The following DRAM2 variants were observed in gnomAD, a reference collection of about 807,000 sequenced individuals.
DRAM2 encodes the protein DNA damage regulated autophagy modulator 2.
DRAM2 carries 26 observed loss-of-function variants against 33.5 expected under a neutral mutation model. The ratio of observed to expected loss-of-function variants is 0.78; its 90% CI spans 0.57 to 1.08. DRAM2 has a LOEUF of 1.08. Among genes scored for constraint, DRAM2 ranks in the 50% least tolerant of loss-of-function variants. The pLI is 0.00. For missense variants in DRAM2, 311 were observed against 318.1 expected, an observed-to-expected ratio of 0.98 and a Z score of 0.17; for synonymous variants, 98 against 109.5, an observed-to-expected ratio of 0.89 and a Z score of 0.66.
chr1:111,123,894 T>G (rs775859228), intron 6 of DRAM2, among the ~76,000 whole-genome samples: 49 of 152,216 alleles, frequency 3.2e-4, no homozygotes, highest in Non-Finnish European at 5.7e-4. Context: ...GTAAGCTTCT[T>G]GAAGTCCTCA....
intron 4 of DRAM2, among the ~76,000 whole-genome samples, chr1:111,128,795 C>A (rs777757054): frequency 1.5e-4 from 23 of 152,028 alleles, no homozygotes; most frequent in Non-Finnish European, 2.8e-4. Flanking sequence ...GAAGTGGAAC[C>A]CATGAATATA....
At chr1:111,138,177 T>A (rs1369246398) in intron 2 of DRAM2, among the ~76,000 whole-genome samples, 1 of 152,236 alleles carries the variant, frequency 6.6e-6, no homozygotes, top group East Asian at 1.9e-4. Context: ...TATGATTTTT[T>A]TCTATGTACG....
At chr1:111,134,043 T>C (rs1250551598) in intron 3 of DRAM2, among the ~76,000 whole-genome samples, 1 of 152,166 alleles carries the variant, frequency 6.6e-6, no homozygotes, top group Non-Finnish European at 1.5e-5. Flanking sequence ...TATTTCCAGC[T>C]CCTACATTGG....
At chr1:111,119,676 C>A (rs1437391532) in intron 8 of DRAM2, 1 of 536,946 alleles carries the variant, frequency 1.9e-6, no homozygotes, top group Non-Finnish European at 3.3e-6. Context: ...CATATTTTGA[C>A]AATATCTACA....
chr1:111,126,375 G>C, intron 4 of DRAM2, 81 bp from the exon 5 acceptor site: 1 of 793,256 alleles, frequency 1.3e-6, no homozygotes, highest in Non-Finnish European at 2.2e-6. Context: ...AGAATATCAG[G>C]AGTTAATTCA....
intron 5 of DRAM2, among the ~76,000 whole-genome samples, chr1:111,125,881 G>C (rs929431685): frequency 6.6e-6 from 1 of 152,086 alleles, no homozygotes; most frequent in African/African-American, 2.4e-5. Flanking sequence ...AAGGAATTTA[G>C]TTAGGATTAG....
intron 4 of DRAM2, among the ~76,000 whole-genome samples, chr1:111,131,062 T>G (rs1320807156): frequency 6.6e-6 from 1 of 152,100 alleles, no homozygotes; most frequent in Non-Finnish European, 1.5e-5. Flanking sequence ...TTAAGACATG[T>G]TTGTCATTTC....
At position 111,126,819 on chromosome 1, in the gene DRAM2, G is replaced by A. The variant is rs116918157; in HGVS notation, c.132-525C>T. ...TAAAATAGACAAAGCCCCTGCCCTC[G>A]CGGAGCTTACATTCAAGACAGTTTT... is the stretch of plus-strand genomic sequence containing the variant. On this transcript the variant is annotated intron_variant, in intron 4 of 9. Coordinates refer to ENST00000484310, the MANE Select transcript of DRAM2 (RefSeq NM_001349884.2). Among the ~76,000 whole-genome samples, 36 of 152,276 alleles carry A rather than the reference G, an allele frequency of 2.4e-4. No individual in the cohort carries two copies. The East Asian group carries it at 6.0e-3, about 25-fold the overall frequency.
In DRAM2 at chr1:111,117,995, T is replaced by G; in HGVS notation, c.*165A>C. The G allele has an allele frequency of 1.6e-6, 1 of 641,004 alleles. No homozygotes were observed. The highest frequency in any genetic ancestry group is 2.7e-6 in the Non-Finnish European group (1 of 365,568). The allele number at this position is 641,004 out of a possible 1,614,324, so 39.7% of individuals were successfully genotyped here. A position where few individuals can be genotyped will look rare whatever the true frequency, so the allele number is the denominator to read the frequency against. On this transcript the variant is annotated 3_prime_UTR_variant, in exon 10 of 10. Transcript: ENST00000484310. ...TTCTTGATGATATCCTTTAGAATAATCTATCAAATGGCTTCTTTCATGTTT... is the reference window on the plus strand; with the variant it reads ...TTCTTGATGATATCCTTTAGAATAAGCTATCAAATGGCTTCTTTCATGTTT...
In DRAM2 at chr1:111,129,949, C is replaced by T. The variant is rs76084094; in HGVS notation, c.131+1475G>A. Among the ~76,000 whole-genome samples, 919 of 152,228 alleles carry T rather than the reference C, an allele frequency of 6.0e-3. 10 individuals are homozygous for T. Among genetic ancestry groups the T allele is most frequent in the African/African-American group, 0.021 (862 of 41,542 alleles). On this transcript the variant is annotated intron_variant, in intron 4 of 9. Transcript: ENST00000484310. ...CTAGGGTGTAGAAACTGGAAGGTGT[C>T]AGGAAGGGATTTTTGCTTTTCATTT...
intron 3 of DRAM2, 38 bp from the exon 4 acceptor site, chr1:111,131,606 A>G: frequency 6.2e-6 from 10 of 1,605,834 alleles, no homozygotes; most frequent in South Asian, 1.1e-5. Flanking sequence ...GATAATTCAC[A>G]AGAGTTTCCT....
intron 4 of DRAM2, among the ~76,000 whole-genome samples, chr1:111,130,649 G>C (rs866603573): frequency 1.3e-5 from 2 of 150,772 alleles, no homozygotes; most frequent in Non-Finnish European, 2.9e-5. Flanking sequence ...GCAGTGAGCC[G>C]AGATTGTGCC....
chr1:111,120,149 T>C (rs1649693790), intron 7 of DRAM2, among the ~76,000 whole-genome samples, 190 bp from the exon 8 acceptor site: 1 of 151,680 alleles, frequency 6.6e-6, no homozygotes, highest in African/African-American at 2.4e-5. Flanking sequence ...AACAAAATGG[T>C]TCTCACAGTC....
chr1:111,132,107 G>C (rs1299633706), intron 3 of DRAM2, among the ~76,000 whole-genome samples: 1 of 152,190 alleles, frequency 6.6e-6, no homozygotes, highest in African/African-American at 2.4e-5. Context: ...CATAATTAGA[G>C]GGTTGGACGT....
chr1:111,117,477 C>A lies in DRAM2; in HGVS notation c.*683G>T, dbSNP rs1353785883. ...TCTCCTTCATTGGTGATTAAAATTT[C>A]ACGCCAGAGACTAAACTTCATGAAA... On this transcript the variant is annotated 3_prime_UTR_variant, in exon 10 of 10. Coordinates refer to ENST00000484310, the MANE Select transcript of DRAM2 (RefSeq NM_001349884.2). The A allele has an allele frequency of 1.3e-5, 2 of 151,892 alleles. No homozygotes were observed. The highest frequency in any genetic ancestry group is 2.9e-5 in the Non-Finnish European group (2 of 67,926). The allele number at this position is 151,892 out of a possible 1,614,324, so 9.4% of individuals were successfully genotyped here.
chr1:111,131,632 A>G lies in DRAM2; in HGVS notation c.-14-64T>C, dbSNP rs1465878481. On this transcript the variant is annotated intron_variant, in intron 3 of 9. Coordinates refer to ENST00000484310, the MANE Select transcript of DRAM2 (RefSeq NM_001349884.2). The stretch of plus-strand genomic sequence containing the variant: ...AGAGTTTCCTCATCCTACTTTAGCC[A>G]TCCATGCCCACAGCCTTGTACTTAC... 3 of 1,540,000 alleles carry G rather than the reference A, an allele frequency of 1.9e-6. No homozygotes were observed. The East Asian group carries it at 6.8e-5, about 35-fold the overall frequency.
At chr1:111,137,114 G>A (rs61804635) in intron 3 of DRAM2, among the ~76,000 whole-genome samples, 23,715 of 151,756 alleles carry the variant, frequency 0.16, 2,261 homozygotes, top group South Asian at 0.28. Flanking sequence ...TTAGCCGGGC[G>A]AGGTGGTGGG....
chr1:111,117,471 A>C lies in DRAM2; in HGVS notation c.*689T>G, dbSNP rs1232979520. Reference sequence around the variant, plus strand: ...TGCCTCTCTCCTTCATTGGTGATTAAAATTTCACGCCAGAGACTAAACTTC... The same window carrying C: ...TGCCTCTCTCCTTCATTGGTGATTACAATTTCACGCCAGAGACTAAACTTC... On this transcript the variant is annotated 3_prime_UTR_variant, in exon 10 of 10. Coordinates refer to ENST00000484310, the MANE Select transcript of DRAM2 (RefSeq NM_001349884.2). The C allele has an allele frequency of 6.6e-6, 1 of 151,928 alleles. No homozygotes were observed. The highest frequency in any genetic ancestry group is 1.9e-4 in the East Asian group (1 of 5,190). 9.4% of individuals were successfully genotyped at this position (151,928 alleles called of 1,614,324 possible).
Position 111,119,922 on chromosome 1 carries a change from A to G in DRAM2, c.555T>C (p.Phe185=). ...TCSSVLHSGN[F]GTDLEQKLHW... Reference sequence around the variant, plus strand: ...GGAGTTTCTGTTCTAAATCAGTCCCAAAATTGCCACTGTGCAAAACTGATG... The same window carrying G: ...GGAGTTTCTGTTCTAAATCAGTCCCGAAATTGCCACTGTGCAAAACTGATG... The change falls in exon 8 of 10, where the codon TTT becomes TTC. Residue 185 remains phenylalanine, a synonymous_variant. Transcript: ENST00000484310. 6.2e-7 allele frequency: 1 copy of G among 1,612,942 alleles called. No homozygotes were observed.
Sources: gnomAD v4.1 joint callset for allele counts (sites outside exome capture counted in the v4.1 genomes callset) on GRCh38, gnomAD v4.1.1 for gene constraint, MANE v1.5 for transcripts, NCBI Gene and HGNC (gene_info 2026-07-23, HGNC 2026-07-21) for gene names.